The following FAAP100 variants were observed in gnomAD, a reference collection of about 807,000 sequenced individuals.
FAAP100 encodes Fanconi anemia core complex-associated protein 100.
FAAP100 carries 46 observed loss-of-function variants against 65.8 expected under a neutral mutation model. The observed-to-expected ratio is 0.70, with a 90% CI of 0.55 to 0.89. The LOEUF (loss-of-function observed/expected upper bound fraction) is 0.89, where lower values mean the gene tolerates loss of function less well. Among genes scored for constraint, FAAP100 ranks in the 40% least tolerant of loss-of-function variants. The probability of loss-of-function intolerance (pLI) is 0.00; values close to 1 mark genes in which losing one functional copy is unlikely to be tolerated. For missense variants in FAAP100, 1,165 were observed against 1,196.7 expected, an observed-to-expected ratio of 0.97 and a Z score of 0.39; for synonymous variants, 663 against 555.1, an observed-to-expected ratio of 1.19 and a Z score of -2.73.
rs1424148960 is a variant in FAAP100, at chr17:81,541,402, G to A, written c.2428-7C>T. On this transcript the variant is annotated splice_polypyrimidine_tract_variant and splice_region_variant and intron_variant, in intron 7 of 8. Coordinates refer to ENST00000327787, the MANE Select transcript of FAAP100 (RefSeq NM_025161.6). ...CCTGCTCTGTCACCATCGTCTGGGG[G>A]ACACAGGAGACATGCTGGAGAGGGT... is the stretch of plus-strand genomic sequence containing the variant. 5 of 1,593,526 alleles carry A rather than the reference G, an allele frequency of 3.1e-6. No individual in the cohort carries two copies. Among genetic ancestry groups the A allele is most frequent in the Admixed American group, 1.7e-5 (1 of 59,822 alleles).
rs2033458556 is a variant in FAAP100 at position 81,550,699 on chromosome 17, A to G, written c.795T>C (p.Pro265=). Residue 265 remains proline (P), a synonymous_variant, in exon 3 of 9, where the codon CCT becomes CCC. Coordinates refer to ENST00000327787, the MANE Select transcript of FAAP100 (RefSeq NM_025161.6). ...TCTTGACAAGGGCATTTGGGTCACCAGGGGCTGACCTGGAGGTGACCAGGG... is the reference window on the plus strand; with the variant it reads ...TCTTGACAAGGGCATTTGGGTCACCGGGGGCTGACCTGGAGGTGACCAGGG... The part of the protein sequence containing the change: ...LKALVTSRSA[P]GDPNALVKIL... The G allele has an allele frequency of 1.2e-6, 2 of 1,612,898 alleles. No individual in the cohort carries two copies. The highest frequency in any genetic ancestry group is 1.7e-5 in the Admixed American group (1 of 60,004).
Position 81,540,081 on chromosome 17 carries a change from C to A in FAAP100, c.*738G>T, listed in dbSNP as rs199737728. The stretch of plus-strand genomic sequence containing the variant: ...GGGGCTGGGGCTCAGGGCCCCCCCC[C>A]GGGCCACAGCGCCACCCTGAGTGGC... On this transcript the variant is annotated 3_prime_UTR_variant, in exon 9 of 9. Transcript: ENST00000327787. 1 of 397,660 alleles carries A rather than the reference C, an allele frequency of 2.5e-6. No homozygotes were observed. The highest frequency in any genetic ancestry group is 4.4e-6 in the Non-Finnish European group (1 of 225,550). 24.6% of individuals were successfully genotyped at this position (397,660 alleles called of 1,614,324 possible). A position where few individuals can be genotyped will look rare whatever the true frequency, so the allele number is the denominator to read the frequency against.
chr17:81,540,977 G>A (rs1568089166), intron 8 of FAAP100, 27 bp from the exon 9 acceptor site: 1 of 1,550,114 alleles, frequency 6.5e-7, no homozygotes, highest in African/African-American at 1.4e-5. Flanking sequence ...CACAGCTCAG[G>A]CCCCCCACCT....
chr17:81,546,196 G>A (rs557621172), intron 5 of FAAP100, among the ~76,000 whole-genome samples: 12 of 152,352 alleles, frequency 7.9e-5, no homozygotes, highest in African/African-American at 2.2e-4. Context: ...AGGCAGCTCC[G>A]CCCGGCACTG....
At chr17:81,541,433 C>T in intron 7 of FAAP100, 38 bp from the exon 8 acceptor site, 1 of 1,529,016 alleles carries the variant, frequency 6.5e-7, no homozygotes, top group Non-Finnish European at 9.0e-7. Flanking sequence ...AGGGTGTGCC[C>T]CAGCACCTGC....
rs74002412 is a variant in FAAP100 at position 81,540,763 on chromosome 17, G to C, written c.*56C>G. 9 of 1,455,906 alleles carry C rather than the reference G, an allele frequency of 6.2e-6. No individual in the cohort carries two copies. The highest frequency in any genetic ancestry group is 9.1e-7 in the Non-Finnish European group (1 of 1,103,422). 90.2% of individuals were successfully genotyped at this position (1,455,906 alleles called of 1,614,324 possible). A position where few individuals can be genotyped will look rare whatever the true frequency, so the allele number is the denominator to read the frequency against. ...TTTCCCTCTAACCCATGAGGCCTGG[G>C]GGGGCTGTGACAGAGGCTGGAAGCG... On this transcript the variant is annotated 3_prime_UTR_variant, in exon 9 of 9. Coordinates refer to ENST00000327787, the MANE Select transcript of FAAP100 (RefSeq NM_025161.6).
At position 81,547,620 on chromosome 17, in the gene FAAP100, C is replaced by T. The variant is rs754268335; in HGVS notation, c.1462G>A (p.Glu488Lys). ...AGTGCACAGCTCACGTTCATGGCCT[C>T]GTTGAGGCTTGTCAGTGCCTTGTTC... is the stretch of plus-strand genomic sequence containing the variant. ...QRNKALTSLN[E>K]AMNVSCALLS... Residue 488 changes from glutamate to lysine, a missense_variant, in exon 5 of 9, where the codon GAG becomes AAG. By Grantham distance (56) the Glu-to-Lys change is moderately conservative. Transcript: ENST00000327787. The T allele has an allele frequency of 2.2e-5, 36 of 1,613,054 alleles. No homozygotes were observed. Among genetic ancestry groups the T allele is most frequent in the Non-Finnish European group, 2.9e-5 (34 of 1,179,758 alleles).
intron 6 of FAAP100, 88 bp downstream of exon 6, chr17:81,545,658 G>T: frequency 6.8e-7 from 1 of 1,477,924 alleles, no homozygotes; most frequent in South Asian, 1.4e-5. Flanking sequence ...CCCCCACCCA[G>T]GGTGAGGGGT....
intron 3 of FAAP100, 108 bp downstream of exon 3, chr17:81,550,140 T>C: frequency 8.8e-7 from 1 of 1,130,352 alleles, no homozygotes. Flanking sequence ...CCCGTCAGCC[T>C]TGCAAAAGAA....
Position 81,551,918 on chromosome 17 carries a change from C to T in FAAP100, c.290+10G>A. 1.9e-6 allele frequency: 3 copies of T among 1,540,210 alleles called. No individual in the cohort carries two copies. The highest frequency in any genetic ancestry group is 2.5e-5 in the East Asian group (1 of 39,298). The stretch of plus-strand genomic sequence containing the variant: ...AGTGTGCGGGAGGGAGGCCGCGGGC[C>T]CGCCCTCACCTGCTCCTGCCCGGGT... On this transcript the variant is annotated intron_variant, in intron 2 of 8. Coordinates refer to ENST00000327787, the MANE Select transcript of FAAP100 (RefSeq NM_025161.6).
Position 81,552,345 on chromosome 17 carries a change from C to A in FAAP100, c.-15G>T, listed in dbSNP as rs1199044339. 4 of 1,357,838 alleles carry A rather than the reference C, an allele frequency of 2.9e-6. No homozygotes were observed. Among genetic ancestry groups the A allele is most frequent in the East Asian group, 3.1e-5 (1 of 32,342 alleles). 84.1% of individuals were successfully genotyped at this position (1,357,838 alleles called of 1,614,324 possible). A position where few individuals can be genotyped will look rare whatever the true frequency, so the allele number is the denominator to read the frequency against. On this transcript the variant is annotated 5_prime_UTR_variant, in exon 1 of 9. Coordinates refer to ENST00000327787, the MANE Select transcript of FAAP100 (RefSeq NM_025161.6). ...GCGCCGGCCATCGTGCGCGCGGGCC[C>A]GTCAGAGTGAGAAGCCCCGGCCGCG...
chr17:81,543,923 C>T, intron 7 of FAAP100, 81 bp downstream of exon 7: 2 of 1,317,466 alleles, frequency 1.5e-6, no homozygotes, highest in Middle Eastern at 1.9e-4. Context: ...GACCCCGTGG[C>T]CAGCAGCTAC....
rs1351165783 is a variant in FAAP100 at position 81,552,298 on chromosome 17, C to G, written c.33G>C (p.Leu11=). Residue 11 remains leucine (L), a synonymous_variant, in exon 1 of 9, where the codon CTG becomes CTC. Transcript: ENST00000327787. MAGAAPRVRY[L]AGFCCPLGGL... is the part of the protein sequence containing the mutation. ...CCCCGAGAGGGCAGCAGAAGCCCGC[C>G]AGGTAGCGGACCCGCGGCGCGGCGC... 6.9e-7 allele frequency: 1 copy of G among 1,440,850 alleles called. No homozygotes were observed. 89.3% of individuals were successfully genotyped at this position (1,440,850 alleles called of 1,614,324 possible).
At chr17:81,552,137 C>T in intron 1 of FAAP100, 29 bp downstream of exon 1, 1 of 1,482,028 alleles carries the variant, frequency 6.7e-7, no homozygotes, top group Admixed American at 2.4e-5. Flanking sequence ...CCCGCCCGGT[C>T]CCTCCCGCCC....
In FAAP100 at chr17:81,547,614, TG is replaced by T; in HGVS notation, c.1467del (p.Met490Ter). On this transcript the variant is annotated frameshift_variant, in exon 5 of 9. Transcript: ENST00000327787. LOFTEE classifies it high-confidence loss of function. The part of the protein sequence containing the change: ...RNKALTSLNE[A>X]MNVSCALLSS... ...GACAGCAGTGCACAGCTCACGTTCATGGCCTCGTTGAGGCTTGTCAGTGCCT... is the reference window on the plus strand; with the variant it reads ...GACAGCAGTGCACAGCTCACGTTCATGCCTCGTTGAGGCTTGTCAGTGCCT... 1 of 1,613,422 alleles carries T rather than the reference TG, an allele frequency of 6.2e-7. No individual in the cohort carries two copies.
Position 81,550,590 on chromosome 17 carries a change from G to A in FAAP100, c.904C>T (p.Leu302=). ...TCACAGTGCACATCCTCGTCAGGCA[G>A]AAAATTCTCTGCAGCTTCTGCAGCC... ...PQAAEAAENF[L]PDEDVHCDCL... is the part of the protein sequence containing the mutation. Residue 302 remains leucine, a synonymous_variant, in exon 3 of 9, where the codon CTG becomes TTG. Coordinates refer to ENST00000327787, the MANE Select transcript of FAAP100 (RefSeq NM_025161.6). 1 of 1,612,952 alleles carries A rather than the reference G, an allele frequency of 6.2e-7. No homozygotes were observed. Among genetic ancestry groups the A allele is most frequent in the Non-Finnish European group, 8.5e-7 (1 of 1,180,028 alleles).
chr17:81,540,843 G>A lies in FAAP100; in HGVS notation c.2622C>T (p.Arg874=). Residue 874 remains arginine, a synonymous_variant, in exon 9 of 9, where the codon CGC becomes CGT. Coordinates refer to ENST00000327787, the MANE Select transcript of FAAP100 (RefSeq NM_025161.6). The stretch of plus-strand genomic sequence containing the variant: ...GTCACAGCAGGATGAGGCTGGGGTG[G>A]CGCAGCTGCCGGTACACCTGTAGCA... ...QRLLQVYRQL[R]HPSLILL 2 of 1,539,868 alleles carry A rather than the reference G, an allele frequency of 1.3e-6. No homozygotes were observed. Among genetic ancestry groups the A allele is most frequent in the South Asian group, 2.4e-5 (2 of 83,850 alleles).
At chr17:81,551,725 C>T (rs868563662) in intron 2 of FAAP100, 1 of 1,342,766 alleles carries the variant, frequency 7.4e-7, no homozygotes, top group South Asian at 1.9e-5. Flanking sequence ...ATGTGAACCC[C>T]ACTTACTAAG....
chr17:81,549,971 G>A (rs574410567), intron 3 of FAAP100, among the ~76,000 whole-genome samples: 2 of 152,270 alleles, frequency 1.3e-5, no homozygotes, highest in African/African-American at 2.4e-5. Context: ...CCCCCAAGAT[G>A]CAGTTTCCTC....
Sources: gnomAD v4.1 joint callset for allele counts (sites outside exome capture counted in the v4.1 genomes callset) on GRCh38, gnomAD v4.1.1 for gene constraint, MANE v1.5 for transcripts, NCBI Gene and HGNC (gene_info 2026-07-23, HGNC 2026-07-21) for gene names.